NBPF26: variants seen among roughly 807,000 people sequenced by gnomAD.
NBPF26 encodes NBPF member 26.
In NBPF26, 79 loss-of-function variants were observed where a neutral mutation model predicts 119.6. That is an observed-to-expected ratio of 0.66 (90% CI 0.55 to 0.80). NBPF26 has a LOEUF of 0.80. NBPF26 is among the 30% of genes least tolerant of loss of function. The pLI is 0.00. For missense variants in NBPF26, 800 were observed against 1,198.2 expected (o/e 0.67, Z 4.91); for synonymous variants, 299 against 457.7 (o/e 0.65, Z 4.43).
In NBPF26 at chr1:120,812,049, T is replaced by C; in HGVS notation, c.1728T>C (p.Phe576=). ...TCAGAAACCTCAAAGAGAAATGTTT[T>C]CTAACTCAACTGGCCGGCTTCCTGG... The change falls in exon 10 of 30, where the codon TTT becomes TTC. Residue 576 remains phenylalanine, a synonymous_variant. Coordinates refer to ENST00000620612, the Ensembl canonical transcript of NBPF26. 2 of 1,286,270 alleles carry C rather than the reference T, an allele frequency of 1.6e-6. 1 individual carries two copies. The highest frequency in any genetic ancestry group is 2.1e-6 in the Non-Finnish European group (2 of 941,992). 79.7% of individuals were successfully genotyped at this position (1,286,270 alleles called of 1,614,324 possible). A position where few individuals can be genotyped will look rare whatever the true frequency, so the allele number is the denominator to read the frequency against.
intron 8 of NBPF26, 96 bp from the exon 9 acceptor site, chr1:120,810,251 C>G (rs1651826334): frequency 3.5e-6 from 5 of 1,411,622 alleles, no homozygotes; most frequent in Non-Finnish European, 4.8e-6. Flanking sequence ...TGGAACCACT[C>G]TCTTAATGCC....
chr1:120,781,846 C>G (rs1651365485), intron 2 of NBPF26, among the ~76,000 whole-genome samples: 1 of 117,616 alleles, frequency 8.5e-6, no homozygotes, highest in South Asian at 2.5e-4. Flanking sequence ...GTGTGAGCCA[C>G]CGCACCTGGC....
Position 120,840,466 on chromosome 1 carries a change from G to T in NBPF26, c.4220G>T (p.Arg1407Ile), listed in dbSNP as rs1652491583. 3 of 1,479,116 alleles carry T rather than the reference G, an allele frequency of 2.0e-6. 1 individual carries two copies. Among genetic ancestry groups the T allele is most frequent in the Non-Finnish European group, 2.7e-6 (3 of 1,092,610 alleles). The allele number at this position is 1,479,116 out of a possible 1,614,324, so 91.6% of individuals were successfully genotyped here. A position where few individuals can be genotyped will look rare whatever the true frequency, so the allele number is the denominator to read the frequency against. The change falls in exon 30 of 30, where the codon AGA (arginine) becomes ATA (isoleucine). Residue 1407 changes from arginine to isoleucine, a missense_variant. By Grantham distance (97) the Arg-to-Ile change is moderately conservative. Transcript: ENST00000620612. ...CTACCTGACTCATTCCAGCACTACAGAAGTGTGTTTTACTCATTTGAGGAA... is the reference window on the plus strand; with the variant it reads ...CTACCTGACTCATTCCAGCACTACATAAGTGTGTTTTACTCATTTGAGGAA...
chr1:120,770,719 G>A, intron 2 of NBPF26, among the ~76,000 whole-genome samples: 1 of 119,386 alleles, frequency 8.4e-6, no homozygotes, highest in South Asian at 2.4e-4. Flanking sequence ...TATACTCGTG[G>A]AAAATGTACT....
At chr1:120,823,752 C>CTGTGTGTCTG (rs1652184203) in intron 17 of NBPF26, among the ~76,000 whole-genome samples, 1 of 73,340 alleles carries the variant, frequency 1.4e-5, no homozygotes, top group Non-Finnish European at 2.4e-5. Flanking sequence ...TGAGCTCGCT[C>CTGTGTGTCTG]TGTGTGTGTG....
At chr1:120,772,509 A>G (rs1651271459) in intron 2 of NBPF26, among the ~76,000 whole-genome samples, 1 of 34,636 alleles carries the variant, frequency 2.9e-5, no homozygotes, top group African/African-American at 6.7e-5. Context: ...CTTCACTAGC[A>G]CTTAGTCCTC....
exon 1 of NBPF26, chr1:120,724,166 G>A: frequency 7.2e-7 from 1 of 1,384,800 alleles, no homozygotes; most frequent in Non-Finnish European, 9.4e-7. Flanking sequence ...GGAGGAGGAG[G>A]CGACCGAGAA....
At position 120,811,492 on chromosome 1, in the gene NBPF26, C is replaced by G. The variant is rs1392474556; in HGVS notation, c.1565-394C>G. 1.1e-4 allele frequency among the ~76,000 whole-genome samples: 12 copies of G among 112,674 alleles called. 3 individuals are homozygous for G. Among genetic ancestry groups the G allele is most frequent in the Non-Finnish European group, 1.6e-4 (9 of 57,778 alleles). 73.9% of individuals were successfully genotyped at this position (112,674 alleles called of 152,430 possible). A position where few individuals can be genotyped will look rare whatever the true frequency, so the allele number is the denominator to read the frequency against. ...CCCGGGCGGCAGAGGTGGCAGTGAG[C>G]TGAGATTGTGCCTCTGCACTGCAGC... On this transcript the variant is annotated intron_variant, in intron 9 of 29. Transcript: ENST00000620612.
At chr1:120,820,450 ATATATATATATAT>A (rs1652107496) in intron 15 of NBPF26, among the ~76,000 whole-genome samples, 1 of 7,724 alleles carries the variant, frequency 1.3e-4, no homozygotes, top group Non-Finnish European at 4.7e-4. Flanking sequence ...TATTAAAAAT[ATATATATATATAT>A]ATATATATAT....
chr1:120,733,534 TA>T lies in NBPF26; in HGVS notation c.73+9286del, dbSNP rs1307453733. Among the ~76,000 whole-genome samples, 3 of 106,446 alleles carry T rather than the reference TA, an allele frequency of 2.8e-5. 1 individual carries two copies. Among genetic ancestry groups the T allele is most frequent in the Non-Finnish European group, 5.2e-5 (3 of 57,448 alleles). 69.8% of individuals were successfully genotyped at this position (106,446 alleles called of 152,430 possible). Reference sequence around the variant, plus strand: ...TGTTCATTTCATAGGTTAATTTTTTTAATCCTTTGGTTTCTAATGATATTGG... The same window carrying T: ...TGTTCATTTCATAGGTTAATTTTTTTATCCTTTGGTTTCTAATGATATTGG... On this transcript the variant is annotated intron_variant, in intron 1 of 29. Coordinates refer to ENST00000620612, the Ensembl canonical transcript of NBPF26.
In NBPF26 at chr1:120,833,174, A is replaced by T. The variant is rs1488325223; in HGVS notation, c.3371+191A>T. ...TCCTCCCCTTATCATTTACTAACGT[A>T]CCACAGGTTGACCATACTTCAAAAG... On this transcript the variant is annotated intron_variant, in intron 23 of 29. Transcript: ENST00000620612. 6.8e-5 allele frequency among the ~76,000 whole-genome samples: 8 copies of T among 118,492 alleles called. No individual in the cohort carries two copies. In the South Asian group the frequency reaches 7.9e-4, roughly 12 times the overall value. 77.7% of individuals were successfully genotyped at this position (118,492 alleles called of 152,430 possible).
chr1:120,778,442 C>T lies in NBPF26; in HGVS notation c.156-6532C>T, dbSNP rs1275307442. 1.1e-4 allele frequency among the ~76,000 whole-genome samples: 12 copies of T among 111,964 alleles called. 1 individual carries two copies. Among genetic ancestry groups the T allele is most frequent in the Non-Finnish European group, 1.8e-4 (11 of 59,698 alleles). The allele number at this position is 111,964 out of a possible 152,430, so 73.5% of individuals were successfully genotyped here. A position where few individuals can be genotyped will look rare whatever the true frequency, so the allele number is the denominator to read the frequency against. ...GCAGCTTCAGTGCCGACGCAACCCACATGAGACTTTTTTTTCCCCTTCGTT... is the reference window on the plus strand; with the variant it reads ...GCAGCTTCAGTGCCGACGCAACCCATATGAGACTTTTTTTTCCCCTTCGTT... On this transcript the variant is annotated intron_variant, in intron 2 of 29. Coordinates refer to ENST00000620612, the Ensembl canonical transcript of NBPF26.
intron 10 of NBPF26, among the ~76,000 whole-genome samples, chr1:120,813,209 T>C (rs1651917263): frequency 8.2e-6 from 1 of 122,312 alleles, no homozygotes; most frequent in South Asian, 2.4e-4. Context: ...TGTAAATTGC[T>C]GCAGTGAATT....
In NBPF26 at chr1:120,813,328, A is replaced by T. The variant is rs1353340697; in HGVS notation, c.1775-563A>T. On this transcript the variant is annotated intron_variant, in intron 10 of 29. Transcript: ENST00000620612. ...CTAAATTAACACAAACTTTATTAAC[A>T]TTTGGGCATATTTCCTTCATGGCCT... Among the ~76,000 whole-genome samples the T allele has an allele frequency of 2.3e-5, 3 of 127,862 alleles. 1 individual carries two copies. Among genetic ancestry groups the T allele is most frequent in the Non-Finnish European group, 4.8e-5 (3 of 62,348 alleles). 83.9% of individuals were successfully genotyped at this position (127,862 alleles called of 152,430 possible). A position where few individuals can be genotyped will look rare whatever the true frequency, so the allele number is the denominator to read the frequency against.
intron 4 of NBPF26, among the ~76,000 whole-genome samples, chr1:120,801,374 T>C (rs1482759543): frequency 8.4e-6 from 1 of 118,422 alleles, no homozygotes; most frequent in Non-Finnish European, 1.7e-5. Flanking sequence ...GTGGTGATGG[T>C]TGCAGAACTT....
At chr1:120,813,717 A>G (rs1214569789) in intron 10 of NBPF26, among the ~76,000 whole-genome samples, 174 bp from the exon 11 acceptor site, 2 of 128,278 alleles carry the variant, frequency 1.6e-5, no homozygotes, top group African/African-American at 7.2e-5. Flanking sequence ...ATTTTGGAGG[A>G]TCAGATGCCA....
At chr1:120,788,114 C>A (rs1406997778) in intron 3 of NBPF26, among the ~76,000 whole-genome samples, 5 of 61,064 alleles carry the variant, frequency 8.2e-5, no homozygotes, top group Non-Finnish European at 1.4e-4. Context: ...TTGTAGTTGC[C>A]CATTGACCTT....
intron 23 of NBPF26, among the ~76,000 whole-genome samples, chr1:120,833,237 A>T (rs1392774528): frequency 8.8e-6 from 1 of 113,702 alleles, no homozygotes; most frequent in Non-Finnish European, 1.7e-5. Context: ...TTTTGAGCAT[A>T]TTTTATGGAA....
intron 2 of NBPF26, among the ~76,000 whole-genome samples, chr1:120,764,777 T>C (rs1216785245): frequency 9.2e-6 from 1 of 108,382 alleles, no homozygotes; most frequent in Non-Finnish European, 1.8e-5. Context: ...GGGAAGATGC[T>C]GGAGAAATAA....
Sources: gnomAD v4.1 joint callset for allele counts (sites outside exome capture counted in the v4.1 genomes callset) on GRCh38, gnomAD v4.1.1 for gene constraint, MANE v1.5 for transcripts, NCBI Gene and HGNC (gene_info 2026-07-23, HGNC 2026-07-21) for gene names.